TAX1BP1: variants seen among roughly 807,000 people sequenced by gnomAD.
TAX1BP1 encodes the protein Tax1 binding protein 1.
TAX1BP1 carries 62 observed loss-of-function variants against 97.7 expected under a neutral mutation model. The ratio of observed to expected loss-of-function variants is 0.63; its 90% CI spans 0.52 to 0.78. The LOEUF (loss-of-function observed/expected upper bound fraction) is 0.78. Ranked by LOEUF, TAX1BP1 falls within the 30% of genes least tolerant of loss-of-function variation. TAX1BP1 has a pLI of 0.00. For missense variants in TAX1BP1, 867 were observed against 916.1 expected (o/e 0.95, Z 0.69); for synonymous variants, 340 against 304.2 (o/e 1.12, Z -1.23).
chr7:27,804,830 A>G (rs1024076392), intron 13 of TAX1BP1, among the ~76,000 whole-genome samples: 1 of 152,202 alleles, frequency 6.6e-6, no homozygotes, highest in African/African-American at 2.4e-5. Flanking sequence ...TCTGAAAACC[A>G]TTCCATATAT....
chr7:27,746,189 C>T (rs970852515), intron 1 of TAX1BP1, among the ~76,000 whole-genome samples: 1 of 151,946 alleles, frequency 6.6e-6, no homozygotes, highest in African/African-American at 2.4e-5. Context: ...AAACATGGGA[C>T]GTTTATTCTA....
At chr7:27,776,541 G>T (rs1186478689) in intron 5 of TAX1BP1, among the ~76,000 whole-genome samples, 1 of 151,674 alleles carries the variant, frequency 6.6e-6, no homozygotes, top group Non-Finnish European at 1.5e-5. Flanking sequence ...TATTTAATGT[G>T]TTTTTTTCCT....
chr7:27,813,911 A>G (rs1049595987), intron 13 of TAX1BP1, among the ~76,000 whole-genome samples: 1 of 152,130 alleles, frequency 6.6e-6, no homozygotes, highest in African/African-American at 2.4e-5. Context: ...ACGGTCACTA[A>G]ATTTGTTAGA....
intron 2 of TAX1BP1, among the ~76,000 whole-genome samples, chr7:27,755,439 C>G (rs1788178660): frequency 6.6e-6 from 1 of 152,070 alleles, no homozygotes; most frequent in Non-Finnish European, 1.5e-5. Flanking sequence ...TTTCCTCAAC[C>G]TAATGTTTCT....
At chr7:27,761,501 C>T (rs961671033) in intron 3 of TAX1BP1, among the ~76,000 whole-genome samples, 1 of 152,170 alleles carries the variant, frequency 6.6e-6, no homozygotes, top group Admixed American at 6.5e-5. Flanking sequence ...CTCCTTCCCT[C>T]CTGGTAAAAC....
At chr7:27,756,209 T>C (rs949347505) in intron 2 of TAX1BP1, among the ~76,000 whole-genome samples, 9 of 152,196 alleles carry the variant, frequency 5.9e-5, no homozygotes, top group African/African-American at 2.2e-4. Context: ...TAGCATACTT[T>C]CATGTGGGAG....
chr7:27,790,983 T>C (rs1490096092), intron 8 of TAX1BP1, among the ~76,000 whole-genome samples: 2 of 152,202 alleles, frequency 1.3e-5, no homozygotes, highest in African/African-American at 4.8e-5. Flanking sequence ...TTTTGTATGT[T>C]CATGACTTTT....
intron 13 of TAX1BP1, among the ~76,000 whole-genome samples, chr7:27,811,217 A>T (rs1790545334): frequency 1.3e-5 from 2 of 152,188 alleles, no homozygotes; most frequent in South Asian, 4.1e-4. Flanking sequence ...TTTGCAGTTA[A>T]ATAATGAGTG....
At chr7:27,795,547 C>A (rs1269638713) in intron 11 of TAX1BP1, among the ~76,000 whole-genome samples, 1 of 151,876 alleles carries the variant, frequency 6.6e-6, no homozygotes, top group Non-Finnish European at 1.5e-5. Context: ...CTCTTTTTAG[C>A]AAATTTTGTT....
chr7:27,793,145 A>G lies in TAX1BP1; in HGVS notation c.1343A>G (p.His448Arg), dbSNP rs1789784449. 6.3e-7 allele frequency: 1 copy of G among 1,598,126 alleles called. No homozygotes were observed. The highest frequency in any genetic ancestry group is 8.5e-7 in the Non-Finnish European group (1 of 1,176,498). ...LKLRLQMAAD[H>R]YKEKFKECQR... ...CTCCGTCTTCAGATGGCTGCAGACCATTATAAAGAAAAATTTAAGGAATGC... is the reference window on the plus strand; with the variant it reads ...CTCCGTCTTCAGATGGCTGCAGACCGTTATAAAGAAAAATTTAAGGAATGC... The change falls in exon 10 of 17, where the codon CAT becomes CGT. Residue 448 changes from histidine to arginine, a missense_variant. His to Arg is a conservative substitution (Grantham distance 29, BLOSUM62 0). Transcript: ENST00000396319.
At chr7:27,771,097 A>ATTTTTTTTTTTTTT (rs57751582) in intron 5 of TAX1BP1, among the ~76,000 whole-genome samples, 57 of 40,610 alleles carry the variant, frequency 1.4e-3, no homozygotes, top group Non-Finnish European at 2.1e-3. Context: ...ACATTCAGCA[A>ATTTTTTTTTTTTTT]TTTTTTTTTT....
chr7:27,750,760 A>G (rs1222057333), intron 2 of TAX1BP1, among the ~76,000 whole-genome samples: 2 of 152,182 alleles, frequency 1.3e-5, no homozygotes, highest in African/African-American at 4.8e-5. Context: ...TTTTAAAGCC[A>G]AAAGACTGTG....
chr7:27,820,479 C>A (rs1488932425), intron 15 of TAX1BP1, among the ~76,000 whole-genome samples: 2 of 152,126 alleles, frequency 1.3e-5, no homozygotes, highest in Non-Finnish European at 2.9e-5. Flanking sequence ...TTTTGCCTTT[C>A]TCAAACTTGC....
chr7:27,786,109 A>G (rs1459727019), intron 7 of TAX1BP1, among the ~76,000 whole-genome samples: 1 of 151,496 alleles, frequency 6.6e-6, no homozygotes, highest in African/African-American at 2.4e-5. Context: ...CTGCTAACAA[A>G]TCTTGACCGC....
chr7:27,800,287 T>A (rs569851344), intron 13 of TAX1BP1, among the ~76,000 whole-genome samples, 197 bp downstream of exon 13: 1 of 152,350 alleles, frequency 6.6e-6, no homozygotes, highest in South Asian at 2.1e-4. Context: ...ACCATTTGCA[T>A]TGCTATTGTG....
chr7:27,814,745 T>TA (rs1459859276), intron 13 of TAX1BP1, among the ~76,000 whole-genome samples: 1 of 151,656 alleles, frequency 6.6e-6, no homozygotes, highest in Non-Finnish European at 1.5e-5. Flanking sequence ...TTTTTCTAGT[T>TA]TTTTTTTTGA....
chr7:27,816,890 A>G lies in TAX1BP1; in HGVS notation c.1937A>G (p.Asp646Gly). Residue 646 changes from aspartate to glycine, a missense_variant and splice_region_variant, in exon 15 of 17, where the codon GAT (aspartate) becomes GGT (glycine). Transcript: ENST00000396319. ...GNPYASQETR[D>G]GADGAFYPDE... ...TACCTTTCCAAAAATTTTATTACAG[A>G]TGGAGCAGATGGTGCTTTTTACCCA... The G allele has an allele frequency of 6.2e-7, 1 of 1,613,712 alleles. No individual in the cohort carries two copies. The highest frequency in any genetic ancestry group is 8.5e-7 in the Non-Finnish European group (1 of 1,179,926).
chr7:27,822,725 A>G (rs1201972724), intron 15 of TAX1BP1, among the ~76,000 whole-genome samples: 1 of 152,188 alleles, frequency 6.6e-6, no homozygotes, highest in African/African-American at 2.4e-5. Context: ...GTTTGCATAT[A>G]TGTCTCCCAT....
intron 7 of TAX1BP1, 27 bp downstream of exon 7, chr7:27,785,516 G>T: frequency 6.4e-7 from 1 of 1,565,628 alleles, no homozygotes; most frequent in South Asian, 1.2e-5. Context: ...CATATCTATT[G>T]CCTGTTGCTT....
Sources: gnomAD v4.1 joint callset for allele counts (sites outside exome capture counted in the v4.1 genomes callset) on GRCh38, gnomAD v4.1.1 for gene constraint, MANE v1.5 for transcripts, NCBI Gene and HGNC (gene_info 2026-07-23, HGNC 2026-07-21) for gene names.